The following AKAP6 variants were observed in gnomAD, a reference collection of about 807,000 sequenced individuals.
The protein encoded by AKAP6 is A-kinase anchoring protein 6.
A neutral mutation model predicts 188.5 loss-of-function variants in AKAP6; 58 were observed. The observed-to-expected ratio is 0.31, with a 90% confidence interval of 0.25 to 0.38. The LOEUF is 0.38. Ranked by LOEUF, AKAP6 falls within the 10% of genes least tolerant of loss-of-function variation. The pLI is 1.00. For synonymous variants in AKAP6, 989 were observed against 998.6 expected (o/e 0.99, Z 0.18); for missense variants, 2,710 against 2,740.0 (o/e 0.99, Z 0.24).
At chr14:32,619,432 C>A (rs1459510687) in intron 7 of AKAP6, among the ~76,000 whole-genome samples, 1 of 151,862 alleles carries the variant, frequency 6.6e-6, no homozygotes, top group African/African-American at 2.4e-5. Context: ...ATAGTGTGTT[C>A]TTTCTCCAAT....
chr14:32,381,109 G>T (rs542741495), intron 1 of AKAP6, among the ~76,000 whole-genome samples: 1 of 152,172 alleles, frequency 6.6e-6, no homozygotes, highest in South Asian at 2.1e-4. Context: ...GGCTGATGGG[G>T]GCAGATCACT....
chr14:32,683,453 G>A (rs556348216), intron 8 of AKAP6, among the ~76,000 whole-genome samples: 3 of 152,212 alleles, frequency 2.0e-5, no homozygotes, highest in Non-Finnish European at 4.4e-5. Flanking sequence ...GAGTGAGGGA[G>A]AAGGAACCAT....
At chr14:32,811,715 C>T (rs1566728626) in intron 12 of AKAP6, among the ~76,000 whole-genome samples, 1 of 152,116 alleles carries the variant, frequency 6.6e-6, no homozygotes, top group Non-Finnish European at 1.5e-5. Context: ...ACTTGAGAAG[C>T]CTTATATCAG....
At chr14:32,571,523 G>A (rs1268512981) in intron 4 of AKAP6, among the ~76,000 whole-genome samples, 2 of 151,992 alleles carry the variant, frequency 1.3e-5, no homozygotes, top group Admixed American at 1.3e-4. Flanking sequence ...AAGAGACCCT[G>A]TCTCTAAAAA....
intron 1 of AKAP6, among the ~76,000 whole-genome samples, chr14:32,407,762 T>C (rs1240537218): frequency 6.6e-6 from 1 of 152,156 alleles, no homozygotes; most frequent in African/African-American, 2.4e-5. Context: ...TCATCTCTTG[T>C]TGCCAACCTC....
intron 11 of AKAP6, among the ~76,000 whole-genome samples, chr14:32,760,089 C>G (rs890067659): frequency 6.6e-6 from 1 of 152,078 alleles, no homozygotes; most frequent in Non-Finnish European, 1.5e-5. Context: ...AGAACACGAC[C>G]AAGACATGAA....
chr14:32,711,893 G>A (rs2474642), intron 9 of AKAP6, among the ~76,000 whole-genome samples: 18,131 of 151,940 alleles, frequency 0.12, 1,310 homozygotes, highest in Middle Eastern at 0.2. Flanking sequence ...TCTGTAAAGT[G>A]AGGGGGGTGG....
chr14:32,638,975 G>T (rs528445021), intron 7 of AKAP6, among the ~76,000 whole-genome samples: 1 of 152,122 alleles, frequency 6.6e-6, no homozygotes, highest in East Asian at 1.9e-4. Flanking sequence ...GTTTTAGTGG[G>T]AATTTTGGTT....
chr14:32,714,828 T>C (rs567128801), intron 9 of AKAP6, among the ~76,000 whole-genome samples: 2 of 151,982 alleles, frequency 1.3e-5, no homozygotes, highest in East Asian at 3.9e-4. Flanking sequence ...GGTACACACA[T>C]TGGTAGTTTA....
At chr14:32,439,900 C>G (rs1336961688) in intron 2 of AKAP6, among the ~76,000 whole-genome samples, 1 of 151,974 alleles carries the variant, frequency 6.6e-6, no homozygotes, top group South Asian at 2.1e-4. Context: ...ATATAATAAG[C>G]CCTGGTTTAA....
chr14:32,806,086 G>T (rs562821488), intron 12 of AKAP6, among the ~76,000 whole-genome samples: 1 of 152,162 alleles, frequency 6.6e-6, no homozygotes, highest in Non-Finnish European at 1.5e-5. Context: ...TCCATGGATT[G>T]AAAGGAACTG....
chr14:32,829,215 T>G (rs994559825), intron 13 of AKAP6, among the ~76,000 whole-genome samples: 2 of 152,214 alleles, frequency 1.3e-5, no homozygotes, highest in African/African-American at 4.8e-5. Context: ...CAAATATAAT[T>G]GAATCCATCT....
chr14:32,387,496 A>G (rs956462862), intron 1 of AKAP6, among the ~76,000 whole-genome samples: 2 of 148,170 alleles, frequency 1.3e-5, no homozygotes, highest in African/African-American at 2.4e-5. Flanking sequence ...TATTTTATAT[A>G]TTATGATATT....
intron 1 of AKAP6, among the ~76,000 whole-genome samples, chr14:32,432,419 TTA>T (rs1890254796): frequency 6.6e-6 from 1 of 152,220 alleles, no homozygotes; most frequent in African/African-American, 2.4e-5. Context: ...TGAATTACAC[TTA>T]TGTTATTTTA....
chr14:32,691,755 C>T lies in AKAP6; in HGVS notation c.2880-4235C>T, dbSNP rs1371924041. On this transcript the variant is annotated intron_variant, in intron 8 of 13. Coordinates refer to ENST00000280979, the MANE Select transcript of AKAP6 (RefSeq NM_004274.5). ...TGTATTTTTAATAGAGACGGGGTTTCACCATGTTGGCCAGGCTAGTCTCAA... is the reference window on the plus strand; with the variant it reads ...TGTATTTTTAATAGAGACGGGGTTTTACCATGTTGGCCAGGCTAGTCTCAA... 2.0e-5 allele frequency among the ~76,000 whole-genome samples: 3 copies of T among 152,070 alleles called. No homozygotes were observed. In the East Asian group the frequency reaches 5.8e-4, roughly 29 times the overall value.
At chr14:32,345,800 A>T (rs1244967113) in intron 1 of AKAP6, among the ~76,000 whole-genome samples, 1 of 152,124 alleles carries the variant, frequency 6.6e-6, no homozygotes, top group African/African-American at 2.4e-5. Flanking sequence ...AAGAATCTGT[A>T]TGTCATTTGA....
chr14:32,691,277 C>T (rs1189672816), intron 8 of AKAP6, among the ~76,000 whole-genome samples: 1 of 152,120 alleles, frequency 6.6e-6, no homozygotes, highest in East Asian at 1.9e-4. Context: ...AGCATATTCT[C>T]CAAGGGAATA....
chr14:32,686,862 G>A (rs1308717816), intron 8 of AKAP6, among the ~76,000 whole-genome samples: 12 of 152,128 alleles, frequency 7.9e-5, no homozygotes, highest in Non-Finnish European at 5.9e-5. Flanking sequence ...TCAGCTGTAT[G>A]CCTGACTTCC....
chr14:32,667,527 AAG>A (rs1057229821), intron 7 of AKAP6, among the ~76,000 whole-genome samples: 51 of 152,232 alleles, frequency 3.4e-4, no homozygotes, highest in African/African-American at 1.2e-3. Context: ...ATACTAAAGA[AAG>A]AAGTAAATAT....
Sources: gnomAD v4.1 joint callset for allele counts (sites outside exome capture counted in the v4.1 genomes callset) on GRCh38, gnomAD v4.1.1 for gene constraint, MANE v1.5 for transcripts, NCBI Gene and HGNC (gene_info 2026-07-23, HGNC 2026-07-21) for gene names.